KIRREL3: variants seen among roughly 807,000 people sequenced by gnomAD.
The protein encoded by KIRREL3 is kirre like nephrin family adhesion molecule 3.
A neutral mutation model predicts 89.7 loss-of-function variants in KIRREL3; 36 were observed. That is an observed-to-expected ratio of 0.40 (90% CI 0.31 to 0.53). KIRREL3 has a LOEUF of 0.53. KIRREL3 is among the 20% of genes least tolerant of loss of function. KIRREL3 has a pLI of 0.49. For synonymous variants in KIRREL3, 445 were observed against 441.4 expected, an observed-to-expected ratio of 1.01 and a Z score of -0.10; for missense variants, 864 against 1,056.6, an observed-to-expected ratio of 0.82 and a Z score of 2.53.
Position 126,656,636 on chromosome 11 carries a change from A to G in KIRREL3, c.56-93724T>C, listed in dbSNP as rs143946223. Among the ~76,000 whole-genome samples the G allele has an allele frequency of 1.8e-4, 27 of 152,298 alleles. No homozygotes were observed. Among genetic ancestry groups the G allele is most frequent in the Non-Finnish European group, 3.4e-4 (23 of 68,026 alleles). On this transcript the variant is annotated intron_variant, in intron 1 of 16. Coordinates refer to ENST00000525144, the MANE Select transcript of KIRREL3 (RefSeq NM_032531.4). The surrounding 1 kb of genome is among the most constrained non-coding windows in gnomAD (Gnocchi z 4.0). ...AATCTTCATGCTTTTACCACCTTAT[A>G]CTGAGTAAGAAGATGAATTTGCACA...
chr11:126,624,976 A>C lies in KIRREL3; in HGVS notation c.56-62064T>G, dbSNP rs776016421. ...ACAAGGTCACTGATTGTTGGATGGC[A>C]TGGGCACGCTTCCCATTATGGAAGC... On this transcript the variant is annotated intron_variant, in intron 1 of 16. Coordinates refer to ENST00000525144, the MANE Select transcript of KIRREL3 (RefSeq NM_032531.4). This position sits in a 1 kb window ranked among gnomAD's most constrained non-coding sequence, Gnocchi z 6.0. Among the ~76,000 whole-genome samples, 1 of 152,172 alleles carries C rather than the reference A, an allele frequency of 6.6e-6. No homozygotes were observed. The highest frequency in any genetic ancestry group is 1.5e-5 in the Non-Finnish European group (1 of 68,032).
chr11:126,911,241 C>T (rs754382410), intron 1 of KIRREL3, among the ~76,000 whole-genome samples: 4 of 152,202 alleles, frequency 2.6e-5, no homozygotes, highest in Non-Finnish European at 4.4e-5. Context: ...AAATAAAAAG[C>T]AGCCACCATG....
chr11:126,505,758 C>G (rs1011528135), intron 4 of KIRREL3, among the ~76,000 whole-genome samples: 1 of 151,984 alleles, frequency 6.6e-6, no homozygotes, highest in Non-Finnish European at 1.5e-5. Flanking sequence ...AAAGGAAGTA[C>G]AAGATGTACA....
At position 127,000,708 on chromosome 11, in the gene KIRREL3, C is replaced by G; in HGVS notation, c.-199G>C. The G allele has an allele frequency of 1.8e-6, 1 of 544,208 alleles. No homozygotes were observed. The highest frequency in any genetic ancestry group is 3.3e-6 in the Non-Finnish European group (1 of 307,160). The allele number at this position is 544,208 out of a possible 1,614,324, so 33.7% of individuals were successfully genotyped here. A position where few individuals can be genotyped will look rare whatever the true frequency, so the allele number is the denominator to read the frequency against. On this transcript the variant is annotated 5_prime_UTR_variant, in exon 1 of 17. Transcript: ENST00000525144. This position sits in a 1 kb window ranked among gnomAD's most constrained non-coding sequence, Gnocchi z 7.1. ...AGCCAGCCGACACAAACTGCCTGTT[C>G]TTAGCCGCCTCGGGAAGCCGGGATT...
rs987801762 is a variant in KIRREL3 at position 126,811,027 on chromosome 11, C to T, written c.55+189428G>A. On this transcript the variant is annotated intron_variant, in intron 1 of 16. Coordinates refer to ENST00000525144, the MANE Select transcript of KIRREL3 (RefSeq NM_032531.4). The surrounding 1 kb of genome is among the most constrained non-coding windows in gnomAD (Gnocchi z 4.3). The stretch of plus-strand genomic sequence containing the variant: ...TCTGACAAACCCCATCTGCTTCGTT[C>T]TCTTGGCCACCCAAGCTGTCTGCCT... 3.3e-5 allele frequency among the ~76,000 whole-genome samples: 5 copies of T among 152,278 alleles called. No individual in the cohort carries two copies. The highest frequency in any genetic ancestry group is 3.3e-4 in the Admixed American group (5 of 15,300).
rs1336741191 is a variant in KIRREL3, at chr11:126,752,209, G to T, written c.56-189297C>A. Among the ~76,000 whole-genome samples, 1 of 152,062 alleles carries T rather than the reference G, an allele frequency of 6.6e-6. No individual in the cohort carries two copies. The highest frequency in any genetic ancestry group is 1.5e-5 in the Non-Finnish European group (1 of 68,014). On this transcript the variant is annotated intron_variant, in intron 1 of 16. Coordinates refer to ENST00000525144, the MANE Select transcript of KIRREL3 (RefSeq NM_032531.4). This position sits in a 1 kb window ranked among gnomAD's most constrained non-coding sequence, Gnocchi z 4.8. ...TCCCAGGCTCAGCGTGGGTTGGTTG[G>T]GGGGGTTTCTTGAAGCATTGTAGCT...
intron 1 of KIRREL3, among the ~76,000 whole-genome samples, chr11:126,915,896 A>T (rs1947019437): frequency 6.6e-6 from 1 of 152,186 alleles, no homozygotes; most frequent in African/African-American, 2.4e-5. Context: ...ATGTAAAAAA[A>T]ATTCTTCACA....
chr11:126,904,096 T>C lies in KIRREL3; in HGVS notation c.55+96359A>G, dbSNP rs1946478537. The stretch of plus-strand genomic sequence containing the variant: ...CAAGACCCTGAAGGTCCTTTCCAAC[T>C]CTAAATTGCTATGATTTTATGAAGA... On this transcript the variant is annotated intron_variant, in intron 1 of 16. Transcript: ENST00000525144. This position sits in a 1 kb window ranked among gnomAD's most constrained non-coding sequence, Gnocchi z 4.4. Among the ~76,000 whole-genome samples, 1 of 152,162 alleles carries C rather than the reference T, an allele frequency of 6.6e-6. No individual in the cohort carries two copies. The highest frequency in any genetic ancestry group is 2.1e-4 in the South Asian group (1 of 4,830).
At chr11:126,821,737 C>T (rs895320396) in intron 1 of KIRREL3, among the ~76,000 whole-genome samples, 1 of 151,608 alleles carries the variant, frequency 6.6e-6, no homozygotes, top group African/African-American at 2.4e-5. Flanking sequence ...TCACAGGAGT[C>T]CTTATAAGTG....
chr11:126,696,243 C>T lies in KIRREL3; in HGVS notation c.56-133331G>A, dbSNP rs113931709. ...CTCCACTCCAGCCTGGGCCACTGAG[C>T]GAGACTCTATCTCAATTAAAAAAAA... On this transcript the variant is annotated intron_variant, in intron 1 of 16. Transcript: ENST00000525144. This position sits in a 1 kb window ranked among gnomAD's most constrained non-coding sequence, Gnocchi z 4.4. 8.1e-5 allele frequency among the ~76,000 whole-genome samples: 12 copies of T among 148,622 alleles called. 1 individual carries two copies. Among genetic ancestry groups the T allele is most frequent in the African/African-American group, 2.5e-4 (10 of 40,052 alleles).
At position 126,883,005 on chromosome 11, in the gene KIRREL3, C is replaced by T. The variant is rs1189527299; in HGVS notation, c.55+117450G>A. 6.6e-6 allele frequency among the ~76,000 whole-genome samples: 1 copy of T among 152,206 alleles called. No individual in the cohort carries two copies. The highest frequency in any genetic ancestry group is 1.5e-5 in the Non-Finnish European group (1 of 68,046). Reference sequence around the variant, plus strand: ...TGCCTGCTGAGCCCCTCTGCCAGTACTCTAACTTCAATGGATGTGCATGAT... The same window carrying T: ...TGCCTGCTGAGCCCCTCTGCCAGTATTCTAACTTCAATGGATGTGCATGAT... On this transcript the variant is annotated intron_variant, in intron 1 of 16. Transcript: ENST00000525144. The surrounding 1 kb of genome is among the most constrained non-coding windows in gnomAD (Gnocchi z 4.1).
intron 6 of KIRREL3, among the ~76,000 whole-genome samples, chr11:126,460,618 G>A (rs1956510201): frequency 6.6e-6 from 1 of 152,206 alleles, no homozygotes; most frequent in African/African-American, 2.4e-5. Context: ...TGGCTGAGAT[G>A]TCCTTGGAAA....
chr11:126,839,306 GAC>G (rs1434208348), intron 1 of KIRREL3, among the ~76,000 whole-genome samples: 2 of 152,166 alleles, frequency 1.3e-5, no homozygotes, highest in Non-Finnish European at 2.9e-5. Flanking sequence ...AGGAAGATAA[GAC>G]ACCCTATGAG....
At chr11:126,911,969 C>A (rs1014703444) in intron 1 of KIRREL3, among the ~76,000 whole-genome samples, 51 of 111,154 alleles carry the variant, frequency 4.6e-4, no homozygotes, top group South Asian at 4.3e-3. Context: ...GGCGACAGAG[C>A]GAGACTCTGT....
At chr11:126,567,070 G>A (rs1388478652) in intron 1 of KIRREL3, among the ~76,000 whole-genome samples, 4 of 152,220 alleles carry the variant, frequency 2.6e-5, no homozygotes, top group Non-Finnish European at 5.9e-5. Context: ...GCACAGATCA[G>A]CGGTGTGGGC....
intron 1 of KIRREL3, among the ~76,000 whole-genome samples, chr11:126,865,502 T>G (rs1013212130): frequency 1.3e-5 from 2 of 152,226 alleles, no homozygotes; most frequent in Admixed American, 1.3e-4. Context: ...TTGCACACCC[T>G]GCAGGGCCAC....
chr11:126,714,731 C>T (rs1947892368), intron 1 of KIRREL3, among the ~76,000 whole-genome samples: 1 of 152,150 alleles, frequency 6.6e-6, no homozygotes, highest in South Asian at 2.1e-4. Flanking sequence ...TCCTTCCTTT[C>T]CTACTCACTT....
rs983113992 is a variant in KIRREL3 at position 126,522,971 on chromosome 11, G to A, written c.284-1507C>T. On this transcript the variant is annotated intron_variant, in intron 3 of 16. Transcript: ENST00000525144. This position sits in a 1 kb window ranked among gnomAD's most constrained non-coding sequence, Gnocchi z 6.0. Reference sequence around the variant, plus strand: ...TTTTAAAGAGAAGATGAGGGCTTAAGCAAGTGAGAGAGACAGAACAAAGAC... The same window carrying A: ...TTTTAAAGAGAAGATGAGGGCTTAAACAAGTGAGAGAGACAGAACAAAGAC... 6.6e-6 allele frequency among the ~76,000 whole-genome samples: 1 copy of A among 152,216 alleles called. No individual in the cohort carries two copies. The highest frequency in any genetic ancestry group is 1.9e-4 in the East Asian group (1 of 5,198).
rs1337759349 is a variant in KIRREL3 at position 126,477,825 on chromosome 11, A to G, written c.434-4359T>C. On this transcript the variant is annotated intron_variant, in intron 4 of 16. Coordinates refer to ENST00000525144, the MANE Select transcript of KIRREL3 (RefSeq NM_032531.4). The surrounding 1 kb of genome is among the most constrained non-coding windows in gnomAD (Gnocchi z 4.8). ...AGCATGGCTGATCGGTGGCAGCTGGAGGGGTGGGGGACCAGCAGCACCACC... is the reference window on the plus strand; with the variant it reads ...AGCATGGCTGATCGGTGGCAGCTGGGGGGGTGGGGGACCAGCAGCACCACC... Among the ~76,000 whole-genome samples the G allele has an allele frequency of 6.6e-6, 1 of 152,022 alleles. No individual in the cohort carries two copies. The highest frequency in any genetic ancestry group is 1.5e-5 in the Non-Finnish European group (1 of 68,004).
Sources: allele counts gnomAD v4.1 joint callset (sites outside exome capture counted in the v4.1 genomes callset), GRCh38; gene constraint gnomAD v4.1.1; non-coding constraint Gnocchi (gnomAD v3.1); transcripts MANE v1.5; gene names NCBI Gene and HGNC (gene_info 2026-07-23, HGNC 2026-07-21).